CSMD1: variants seen among roughly 807,000 people sequenced by gnomAD.
CSMD1 encodes CUB and Sushi multiple domains 1.
In CSMD1, 213 loss-of-function variants were observed where a neutral mutation model predicts 417.5. The ratio of observed to expected loss-of-function variants is 0.51; its 90% CI spans 0.46 to 0.57. The LOEUF (loss-of-function observed/expected upper bound fraction) is 0.57. CSMD1 is among the 20% of genes least tolerant of loss of function. The pLI, the probability that CSMD1 is intolerant of heterozygous loss-of-function variation, is 0.00. For missense variants in CSMD1, 6,923 were observed against 4,529.7 expected, an observed-to-expected ratio of 1.53 and a Z score of -15.17; for synonymous variants, 2,862 against 1,736.8, an observed-to-expected ratio of 1.65 and a Z score of -16.11.
intron 8 of CSMD1, among the ~76,000 whole-genome samples, chr8:3,605,239 C>G (rs1801554169): frequency 6.6e-6 from 1 of 152,194 alleles, no homozygotes; most frequent in Non-Finnish European, 1.5e-5. Flanking sequence ...ATCCACCCGC[C>G]TCGGCCTCCC....
intron 1 of CSMD1, among the ~76,000 whole-genome samples, chr8:4,982,474 G>A (rs761236592): frequency 2.0e-5 from 3 of 152,138 alleles, no homozygotes; most frequent in African/African-American, 4.8e-5. Flanking sequence ...TGGAGACAAA[G>A]AACGGGTATT....
In CSMD1 at chr8:3,110,167, A is replaced by G. The variant is rs1816412208; in HGVS notation, c.6599T>C (p.Ile2200Thr). ...TGAGAGGTTCTCATACCAAACAGCA[A>G]TGTAATCGTTGACAGCTTCCGTCTG... ...LLQTEAVNDY[I>T]AVWDGPDQNS... Residue 2200 changes from isoleucine (I) to threonine (T), a missense_variant, in exon 43 of 70, where the codon ATT becomes ACT. By Grantham distance (89) the Ile-to-Thr change is moderately conservative. Transcript: ENST00000635120. 4 of 1,606,716 alleles carry G rather than the reference A, an allele frequency of 2.5e-6. No homozygotes were observed. The highest frequency in any genetic ancestry group is 2.7e-5 in the African/African-American group (2 of 74,668).
At chr8:4,734,827 T>A (rs890051075) in intron 1 of CSMD1, among the ~76,000 whole-genome samples, 1 of 152,180 alleles carries the variant, frequency 6.6e-6, no homozygotes, top group African/African-American at 2.4e-5. Flanking sequence ...TTTTCAGTCT[T>A]GGCTCTGTGG....
At chr8:4,971,485 T>C (rs1355912416) in intron 1 of CSMD1, among the ~76,000 whole-genome samples, 1 of 152,048 alleles carries the variant, frequency 6.6e-6, no homozygotes, top group Non-Finnish European at 1.5e-5. Flanking sequence ...GTATTTGCCA[T>C]AATTATTATA....
At chr8:3,990,234 C>A (rs2627378) in intron 5 of CSMD1, among the ~76,000 whole-genome samples, 57,745 of 152,096 alleles carry the variant, frequency 0.38, 11,538 homozygotes, top group African/African-American at 0.52. Context: ...TGATGAAATA[C>A]ATTTTAATCC....
At chr8:4,021,288 C>T (rs1031867427) in intron 4 of CSMD1, among the ~76,000 whole-genome samples, 1 of 152,122 alleles carries the variant, frequency 6.6e-6, no homozygotes, top group Non-Finnish European at 1.5e-5. Context: ...AAATTATAAT[C>T]CTTTGGAAGT....
At chr8:4,175,334 C>G (rs1647301) in intron 3 of CSMD1, among the ~76,000 whole-genome samples, 3 of 151,974 alleles carry the variant, frequency 2.0e-5, no homozygotes, top group East Asian at 1.9e-4. Flanking sequence ...AAGTTATCTT[C>G]GTCACTTTTT....
intron 18 of CSMD1, 137 bp downstream of exon 18, chr8:3,387,357 G>A: frequency 1.6e-6 from 1 of 632,594 alleles, no homozygotes; most frequent in East Asian, 2.8e-5. Flanking sequence ...TACGATGATG[G>A]TATACAACTT....
chr8:3,135,706 G>C (rs183413092), intron 41 of CSMD1, among the ~76,000 whole-genome samples: 1 of 152,148 alleles, frequency 6.6e-6, no homozygotes, highest in Admixed American at 6.5e-5. Flanking sequence ...GAAGTCTGCT[G>C]ATCACATTTC....
chr8:3,737,859 T>C (rs1160142833), intron 6 of CSMD1, among the ~76,000 whole-genome samples: 1 of 152,246 alleles, frequency 6.6e-6, no homozygotes, highest in African/African-American at 2.4e-5. Flanking sequence ...TAATGTTAAG[T>C]CAGCCTTATT....
At chr8:3,673,982 G>C (rs998677081) in intron 7 of CSMD1, among the ~76,000 whole-genome samples, 15 of 152,090 alleles carry the variant, frequency 9.9e-5, no homozygotes, top group Non-Finnish European at 1.5e-4. Context: ...GCCAGGCATG[G>C]TGGCACATGC....
intron 49 of CSMD1, among the ~76,000 whole-genome samples, chr8:3,073,696 T>C (rs1244884833): frequency 3.9e-5 from 6 of 151,924 alleles, no homozygotes; most frequent in Non-Finnish European, 8.8e-5. Flanking sequence ...GGCTAATAAA[T>C]TATTGTACAA....
rs1368910282 is a variant in CSMD1, at chr8:3,310,456, A to ATGAT, written c.3632-1957_3632-1954dup. Among the ~76,000 whole-genome samples, 16 of 152,308 alleles carry ATGAT rather than the reference A, an allele frequency of 1.1e-4. 1 individual carries two copies. The South Asian group carries it at 3.1e-3, about 30-fold the overall frequency. On this transcript the variant is annotated intron_variant, in intron 23 of 69. Coordinates refer to ENST00000635120, the MANE Select transcript of CSMD1 (RefSeq NM_033225.6). ...GAGGCAGAATGACTTGTTGGAGGTGATGATTCTCCCTGGCCACACTTGGAG... is the reference window on the plus strand; with the variant it reads ...GAGGCAGAATGACTTGTTGGAGGTGATGATTGATTCTCCCTGGCCACACTTGGAG...
intron 10 of CSMD1, among the ~76,000 whole-genome samples, chr8:3,558,622 G>GAACGGTGCCTC: frequency 7.4e-6 from 1 of 134,632 alleles, no homozygotes; most frequent in Non-Finnish European, 1.5e-5. Flanking sequence ...CTCCAATGAT[G>GAACGGTGCCTC]AATAGTGCCT....
At chr8:4,227,580 C>G (rs1037336503) in intron 3 of CSMD1, among the ~76,000 whole-genome samples, 30 of 151,994 alleles carry the variant, frequency 2.0e-4, no homozygotes, top group African/African-American at 7.3e-4. Flanking sequence ...AAGAGAAGTC[C>G]CACAGCCCCC....
At chr8:3,176,269 A>G (rs113438567) in intron 37 of CSMD1, among the ~76,000 whole-genome samples, 2 of 152,178 alleles carry the variant, frequency 1.3e-5, no homozygotes, top group Non-Finnish European at 2.9e-5. Context: ...AGAGGGAACC[A>G]TTCTGCTAAT....
At position 2,965,902 on chromosome 8, in the gene CSMD1, G is replaced by A. The variant is rs373378509; in HGVS notation, c.9153C>T (p.Thr3051=). 1.6e-5 allele frequency: 26 copies of A among 1,610,168 alleles called. No individual in the cohort carries two copies. Among genetic ancestry groups the A allele is most frequent in the South Asian group, 1.3e-4 (12 of 89,870 alleles). ...GTLANGIQFG[T]DFTFNKTVSY... ...TCACAGTCTTGTTGAAGGTGAAGTC[G>A]GTCCCAAACTGGATGCCATTTGCTA... The change falls in exon 59 of 70, where the codon ACC becomes ACT. Residue 3051 remains threonine, a synonymous_variant. Coordinates refer to ENST00000635120, the MANE Select transcript of CSMD1 (RefSeq NM_033225.6).
At chr8:4,754,146 G>A (rs1318685441) in intron 1 of CSMD1, among the ~76,000 whole-genome samples, 1 of 152,074 alleles carries the variant, frequency 6.6e-6, no homozygotes, top group East Asian at 1.9e-4. Flanking sequence ...CAATAAAATA[G>A]ACACTTCTGA....
At chr8:3,787,825 A>G (rs991090062) in intron 5 of CSMD1, among the ~76,000 whole-genome samples, 6 of 152,240 alleles carry the variant, frequency 3.9e-5, no homozygotes, top group African/African-American at 1.2e-4. Flanking sequence ...ATAAGAAATC[A>G]GTGTCCTATC....
Sources: allele counts gnomAD v4.1 joint callset (sites outside exome capture counted in the v4.1 genomes callset), GRCh38; gene constraint gnomAD v4.1.1; transcripts MANE v1.5; gene names NCBI Gene and HGNC (gene_info 2026-07-23, HGNC 2026-07-21).